CFAP43: variants seen among roughly 807,000 people sequenced by gnomAD.
CFAP43 encodes cilia and flagella associated protein 43.
A neutral mutation model predicts 218.9 loss-of-function variants in CFAP43; 155 were observed. The ratio of observed to expected loss-of-function variants is 0.71; its 90% CI spans 0.62 to 0.81. The LOEUF (loss-of-function observed/expected upper bound fraction) is 0.81, where lower values mean the gene tolerates loss of function less well. CFAP43 is among the 30% of genes least tolerant of loss of function. CFAP43 has a pLI of 0.00. For missense variants in CFAP43, 1,778 were observed against 1,954.3 expected (o/e 0.91, Z 1.70); for synonymous variants, 645 against 681.3 (o/e 0.95, Z 0.83).
chr10:104,186,530 C>G (rs1400446254), intron 14 of CFAP43, among the ~76,000 whole-genome samples: 1 of 152,160 alleles, frequency 6.6e-6, no homozygotes, highest in Non-Finnish European at 1.5e-5. Flanking sequence ...GTCTGGAATG[C>G]CCTACTCTAC....
chr10:104,177,468 T>A (rs1201374354), intron 19 of CFAP43, among the ~76,000 whole-genome samples: 1 of 152,184 alleles, frequency 6.6e-6, no homozygotes, highest in African/African-American at 2.4e-5. Context: ...CTTAGTCTTC[T>A]GCCCTGCAAT....
intron 12 of CFAP43, among the ~76,000 whole-genome samples, chr10:104,190,538 T>C (rs1306593284): frequency 2.0e-5 from 3 of 152,234 alleles, no homozygotes; most frequent in Non-Finnish European, 4.4e-5. Context: ...CATTAAGCCT[T>C]GAACTACATA....
intron 11 of CFAP43, chr10:104,192,928 T>C (rs1589749122): frequency 6.6e-6 from 1 of 152,544 alleles, no homozygotes. Flanking sequence ...TCTTGGACAA[T>C]GCTTTTCCTC....
intron 24 of CFAP43, 66 bp downstream of exon 24, chr10:104,164,028 G>A: frequency 1.3e-6 from 2 of 1,547,204 alleles, no homozygotes; most frequent in Non-Finnish European, 1.8e-6. Flanking sequence ...TAACCAAGTT[G>A]AACAAATAGG....
Position 104,146,139 on chromosome 10 carries a change from T to C in CFAP43, c.3855+124A>G, listed in dbSNP as rs192889423. The C allele has an allele frequency of 1.9e-4, 131 of 682,492 alleles. 1 individual carries two copies. The highest frequency in any genetic ancestry group is 1.6e-3 in the East Asian group (59 of 35,894). The allele number at this position is 682,492 out of a possible 1,614,324, so 42.3% of individuals were successfully genotyped here. On this transcript the variant is annotated intron_variant, in intron 30 of 37. Coordinates refer to ENST00000357060, the MANE Select transcript of CFAP43 (RefSeq NM_025145.7). Reference sequence around the variant, plus strand: ...AATGGCATAGAATGAAGTTCACCCATAGCTGAGAATTAAGTGGGAGAAAAA... The same window carrying C: ...AATGGCATAGAATGAAGTTCACCCACAGCTGAGAATTAAGTGGGAGAAAAA...
rs772731308 is a variant in CFAP43 at position 104,230,699 on chromosome 10, G to A, written c.210C>T (p.Val70=). 179 of 1,613,888 alleles carry A rather than the reference G, an allele frequency of 1.1e-4. 2 individuals carry two copies. In the South Asian group the frequency reaches 1.9e-3, roughly 17 times the overall value. Residue 70 remains valine (V), a synonymous_variant, in exon 2 of 38, where the codon GTC becomes GTT. Coordinates refer to ENST00000357060, the MANE Select transcript of CFAP43 (RefSeq NM_025145.7). ...CTTCACAGGGGATGTTAGTTGCCAT[G>A]ACGCCCACAATTCCATTACTACACT... ...VLQCSNGIVG[V]MATNIPCEVV...
intron 12 of CFAP43, among the ~76,000 whole-genome samples, chr10:104,190,420 C>T (rs1438735811): frequency 6.6e-6 from 1 of 152,206 alleles, no homozygotes; most frequent in African/African-American, 2.4e-5. Flanking sequence ...TCAGTGCCAT[C>T]TAATTTGCAT....
In CFAP43 at chr10:104,164,282, T is replaced by C. The variant is rs2089033571; in HGVS notation, c.3058A>G (p.Lys1020Glu). Residue 1020 changes from lysine to glutamate, a missense_variant, in exon 24 of 38, where the codon AAA becomes GAA. This residue lies in a region of CFAP43 where 1,553 missense variants were observed against 1,685.2 expected (regional missense o/e 0.92). Coordinates refer to ENST00000357060, the MANE Select transcript of CFAP43 (RefSeq NM_025145.7). Reference sequence around the variant, plus strand: ...TCAAACTCATTATTGAAAACAGTTTTTACCTTGTAAATGATATCCTGAAAT... The same window carrying C: ...TCAAACTCATTATTGAAAACAGTTTCTACCTTGTAAATGATATCCTGAAAT... ...ILLKDIIYKV[K>E]TVFNNEFDAA... 2 of 1,603,286 alleles carry C rather than the reference T, an allele frequency of 1.2e-6. No homozygotes were observed. Among genetic ancestry groups the C allele is most frequent in the Admixed American group, 1.7e-5 (1 of 58,750 alleles).
At chr10:104,197,888 T>C in intron 9 of CFAP43, 34 bp downstream of exon 9, 1 of 1,367,994 alleles carries the variant, frequency 7.3e-7, no homozygotes, top group Non-Finnish European at 1.0e-6. Context: ...ATCGTATCTT[T>C]AGTCCTACTG....
chr10:104,152,845 G>A (rs2134779831), intron 27 of CFAP43, 119 bp from the exon 28 acceptor site: 2 of 1,082,012 alleles, frequency 1.8e-6, no homozygotes, highest in Non-Finnish European at 2.6e-6. Flanking sequence ...AAGGTGTTCT[G>A]GGCTCTGTAC....
intron 11 of CFAP43, 47 bp downstream of exon 11, chr10:104,193,819 C>G: frequency 6.3e-7 from 1 of 1,575,158 alleles, no homozygotes; most frequent in Non-Finnish European, 8.6e-7. Context: ...GAATTTTCAA[C>G]AGACGGGTGT....
In CFAP43 at chr10:104,172,468, C is replaced by G; in HGVS notation, c.2528G>C (p.Gly843Ala). ...NIAKLDQQEFGLDLEELERLH... is the reference protein window; with the variant it reads ...NIAKLDQQEFALDLEELERLH... ...CCTTTCTAGTTCCTCAAGATCCAGACCAAATTCCTGTTGGTCTAATTTTGC... is the reference window on the plus strand; with the variant it reads ...CCTTTCTAGTTCCTCAAGATCCAGAGCAAATTCCTGTTGGTCTAATTTTGC... Residue 843 changes from glycine to alanine, a missense_variant, in exon 20 of 38, where the codon GGT (glycine) becomes GCT (alanine). By Grantham distance (60) the Gly-to-Ala change is moderately conservative. Transcript: ENST00000357060. 6.2e-7 allele frequency: 1 copy of G among 1,608,352 alleles called. No individual in the cohort carries two copies. The highest frequency in any genetic ancestry group is 1.1e-5 in the South Asian group (1 of 89,178).
chr10:104,148,010 T>A lies in CFAP43; in HGVS notation c.3661-12A>T. 1 of 1,538,736 alleles carries A rather than the reference T, an allele frequency of 6.5e-7. No individual in the cohort carries two copies. The highest frequency in any genetic ancestry group is 2.0e-5 in the Admixed American group (1 of 50,586). On this transcript the variant is annotated splice_polypyrimidine_tract_variant and intron_variant, in intron 28 of 37. Transcript: ENST00000357060. ...ATTTTCAGTTCCTCCTGTAGAAATA[T>A]TTAAGAAAAAGGTTGGTGGAATTAC...
chr10:104,132,891 G>C, intron 35 of CFAP43: 1 of 733,404 alleles, frequency 1.4e-6, no homozygotes, highest in Non-Finnish European at 1.7e-6. Context: ...TGATCACATA[G>C]ATATGATTGG....
In CFAP43 at chr10:104,206,008, T is replaced by C. The variant is rs774259165; in HGVS notation, c.918A>G (p.Pro306=). ...SPLDRRNFIS[P]VTLVYQKEGV... ...CCTCCTTCTGATATACCAAGGTTACTGGACTGATAAAATTTCTTCTGTCTT... is the reference window on the plus strand; with the variant it reads ...CCTCCTTCTGATATACCAAGGTTACCGGACTGATAAAATTTCTTCTGTCTT... The change falls in exon 7 of 38, where the codon CCA becomes CCG. Residue 306 remains proline (P), a synonymous_variant. Transcript: ENST00000357060. 1.2e-6 allele frequency: 2 copies of C among 1,608,620 alleles called. No homozygotes were observed. Among genetic ancestry groups the C allele is most frequent in the Non-Finnish European group, 1.7e-6 (2 of 1,178,996 alleles).
chr10:104,221,628 T>C (rs961103714), intron 3 of CFAP43, among the ~76,000 whole-genome samples: 4 of 152,236 alleles, frequency 2.6e-5, no homozygotes, highest in Non-Finnish European at 5.9e-5. Flanking sequence ...CCACCCAGTC[T>C]ATGGGATTTT....
chr10:104,182,361 T>A lies in CFAP43; in HGVS notation c.2289+5A>T. The A allele has an allele frequency of 6.3e-7, 1 of 1,590,660 alleles. No homozygotes were observed. Among genetic ancestry groups the A allele is most frequent in the Non-Finnish European group, 8.5e-7 (1 of 1,172,604 alleles). On this transcript the variant is annotated splice_donor_5th_base_variant and intron_variant, in intron 17 of 37. Transcript: ENST00000357060. ...GCAAGCAAGCTAGTCATATAGGAAC[T>A]CAACTGTGTGTTCAGAATCGGATCC...
chr10:104,214,547 A>G, intron 3 of CFAP43, 121 bp from the exon 4 acceptor site: 1 of 827,780 alleles, frequency 1.2e-6, no homozygotes, highest in Non-Finnish European at 1.8e-6. Flanking sequence ...TTATATAATC[A>G]ATGACCTTAA....
intron 4 of CFAP43, 78 bp from the exon 5 acceptor site, chr10:104,212,235 G>T: frequency 7.0e-7 from 1 of 1,420,842 alleles, no homozygotes; most frequent in Non-Finnish European, 9.5e-7. Flanking sequence ...ATCAGTTTAA[G>T]TGAGGTGGGG....
Sources: gnomAD v4.1 joint callset for allele counts (sites outside exome capture counted in the v4.1 genomes callset) on GRCh38, gnomAD v4.1.1 for gene constraint, gnomAD v4.1.1 regional missense constraint, MANE v1.5 for transcripts, NCBI Gene and HGNC (gene_info 2026-07-23, HGNC 2026-07-21) for gene names.